OTOF: variants seen among roughly 807,000 people sequenced by gnomAD.
OTOF encodes fer-1-like family member 2.
In OTOF, 218 loss-of-function variants were observed where a neutral mutation model predicts 236.8. The ratio of observed to expected loss-of-function variants is 0.92; its 90% CI spans 0.82 to 1.03. The LOEUF is 1.03. OTOF is among the 50% of genes least tolerant of loss of function. The probability of loss-of-function intolerance (pLI) is 0.00; values close to 1 mark genes in which losing one functional copy is unlikely to be tolerated. For missense variants in OTOF, 2,590 were observed against 2,694.4 expected, an observed-to-expected ratio of 0.96 and a Z score of 0.86; for synonymous variants, 1,041 against 1,072.5, an observed-to-expected ratio of 0.97 and a Z score of 0.57.
rs1180054978 is a variant in OTOF at position 26,461,040 on chromosome 2, C to T, written c.5534-10G>A. 6.2e-7 allele frequency: 1 copy of T among 1,602,162 alleles called. No homozygotes were observed. The highest frequency in any genetic ancestry group is 1.3e-5 in the African/African-American group (1 of 74,600). On this transcript the variant is annotated splice_polypyrimidine_tract_variant and intron_variant, in intron 43 of 46. Transcript: ENST00000272371. The surrounding 1 kb of genome is among the most constrained non-coding windows in gnomAD (Gnocchi z 6.2). ...TCCAGCTCGATGGCCCCTGTGGCAA[C>T]CTCAGTGTCAGCTCAGAGTGAACAG... is the stretch of plus-strand genomic sequence containing the variant.
chr2:26,508,219 T>G (rs4665863), intron 5 of OTOF, among the ~76,000 whole-genome samples: 1 of 151,940 alleles, frequency 6.6e-6, no homozygotes, highest in Non-Finnish European at 1.5e-5. Flanking sequence ...AGAAATAGGG[T>G]CTGTGGTCCT....
At position 26,477,289 on chromosome 2, in the gene OTOF, C is replaced by A. The variant is rs1478464327; in HGVS notation, c.2407-1G>T. 6.2e-7 allele frequency: 1 copy of A among 1,609,152 alleles called. No homozygotes were observed. The highest frequency in any genetic ancestry group is 8.5e-7 in the Non-Finnish European group (1 of 1,178,780). On this transcript the variant is annotated splice_acceptor_variant, in intron 20 of 46. Coordinates refer to ENST00000272371, the MANE Select transcript of OTOF (RefSeq NM_194248.3). LOFTEE classifies it high-confidence loss of function. The surrounding 1 kb of genome is among the most constrained non-coding windows in gnomAD (Gnocchi z 4.7). ...TCCTGGCCTGCTGCCCCATGTTTTC[C>A]TGCGAAGGAGGGGGTGTCAGTGAAC...
At chr2:26,515,279 C>T (rs1037005085) in intron 5 of OTOF, among the ~76,000 whole-genome samples, 20 of 152,234 alleles carry the variant, frequency 1.3e-4, no homozygotes, top group Non-Finnish European at 2.4e-4. Context: ...AGGCTTTAAG[C>T]TAGCCTGGGG....
intron 8 of OTOF, among the ~76,000 whole-genome samples, chr2:26,498,647 A>C (rs1666046121): frequency 6.6e-6 from 1 of 151,946 alleles, no homozygotes; most frequent in Non-Finnish European, 1.5e-5. Flanking sequence ...TAAGGGACAT[A>C]CTCCCCAGTG....
chr2:26,527,208 TCGACGCTTAG>T (rs1477180172), intron 3 of OTOF, among the ~76,000 whole-genome samples: 2 of 152,218 alleles, frequency 1.3e-5, no homozygotes, highest in African/African-American at 4.8e-5. Flanking sequence ...TGATACACAA[TCGACGCTTAG>T]TAAACATTTG....
rs575006194 is a variant in OTOF, at chr2:26,494,737, C to T, written c.897+205G>A. 3.0e-4 allele frequency among the ~76,000 whole-genome samples: 46 copies of T among 152,070 alleles called. 1 individual carries two copies. The highest frequency in any genetic ancestry group is 1.1e-3 in the African/African-American group (46 of 41,456). On this transcript the variant is annotated intron_variant, in intron 9 of 46. Transcript: ENST00000272371. ...TGTACGCTTCAAAGACCAGTGTCGG[C>T]CTGTGCTCTAGACTGGGGGGTTCAG...
chr2:26,472,767 G>A (rs959313763), intron 29 of OTOF, 118 bp from the exon 30 acceptor site: 2 of 1,045,820 alleles, frequency 1.9e-6, no homozygotes, highest in Non-Finnish European at 2.9e-6. Context: ...TGAGGGAGAG[G>A]GGGACAGGCA....
chr2:26,464,443 A>G (rs1664630908), intron 39 of OTOF, among the ~76,000 whole-genome samples: 1 of 152,070 alleles, frequency 6.6e-6, no homozygotes, highest in South Asian at 2.1e-4. Flanking sequence ...ACACCTCCCA[A>G]TTCTCTGCTT....
chr2:26,495,103 G>A (rs201743402), intron 8 of OTOF, 30 bp from the exon 9 acceptor site: 1 of 1,613,674 alleles, frequency 6.2e-7, no homozygotes, highest in East Asian at 2.2e-5. Flanking sequence ...GAGCCAGAAG[G>A]AAAGCTGCCT....
chr2:26,537,825 A>G (rs1160232121), intron 1 of OTOF, 51 bp from the exon 2 acceptor site: 2 of 1,360,082 alleles, frequency 1.5e-6, no homozygotes, highest in Admixed American at 3.9e-5. Flanking sequence ...CCAGACGATG[A>G]GCATGGGGTC....
At chr2:26,536,066 A>G (rs183663031) in intron 2 of OTOF, among the ~76,000 whole-genome samples, 2 of 152,264 alleles carry the variant, frequency 1.3e-5, no homozygotes, top group East Asian at 3.9e-4. Flanking sequence ...AGGTAGGACT[A>G]TGGGAAACTG....
In OTOF at chr2:26,502,401, T is replaced by G; in HGVS notation, c.609A>C (p.Glu203Asp). The G allele has an allele frequency of 6.2e-7, 1 of 1,613,678 alleles. No individual in the cohort carries two copies. Among genetic ancestry groups the G allele is most frequent in the Non-Finnish European group, 8.5e-7 (1 of 1,179,838 alleles). Residue 203 changes from glutamate (E) to aspartate (D), a missense_variant, in exon 7 of 47, where the codon GAA becomes GAC. Physicochemically the swap from Glu to Asp is conservative, Grantham distance 45. Around this residue, in one of 2 missense-constraint regions of OTOF, gnomAD observed 1,379 missense variants for 1,341.6 expected, o/e 1.03. Transcript: ENST00000272371. ...GCCGAATGGCCAGATGGTCAAGGTC[T>G]TCCATCTCCAGCACCGCCGGTTCAT... Reference protein sequence around the residue: ...RPDEPAVLEMEDLDHLAIRLG... With the variant: ...RPDEPAVLEMDDLDHLAIRLG...
Position 26,482,515 on chromosome 2 carries a change from T to G in OTOF, c.1470A>C (p.Pro490=). Residue 490 remains proline, a synonymous_variant, in exon 14 of 47, where the codon CCA becomes CCC. Transcript: ENST00000272371. The stretch of plus-strand genomic sequence containing the variant: ...TCTGCACCTTCATGCGTTTGCAGAG[T>G]GGGGGGAAGAGGTCTGTAAAGACGA... ...EQVVFTDLFP[P]LCKRMKVQIR... The G allele has an allele frequency of 6.2e-7, 1 of 1,612,984 alleles. No homozygotes were observed. The highest frequency in any genetic ancestry group is 8.5e-7 in the Non-Finnish European group (1 of 1,179,854).
Position 26,462,354 on chromosome 2 carries a change from T to G in OTOF, c.5193-173A>C, listed in dbSNP as rs1664506935. 6.9e-6 allele frequency among the ~76,000 whole-genome samples: 1 copy of G among 144,936 alleles called. No homozygotes were observed. Among genetic ancestry groups the G allele is most frequent in the Non-Finnish European group, 1.5e-5 (1 of 66,152 alleles). The stretch of plus-strand genomic sequence containing the variant: ...GGGGTTGGGGGAGCAGAGGCATGAG[T>G]GAGAAGGCCCACCAGGCACATGGCT... On this transcript the variant is annotated intron_variant, in intron 41 of 46. Transcript: ENST00000272371. This position sits in a 1 kb window ranked among gnomAD's most constrained non-coding sequence, Gnocchi z 4.7.
At chr2:26,524,402 G>A (rs560116539) in intron 3 of OTOF, among the ~76,000 whole-genome samples, 4 of 152,250 alleles carry the variant, frequency 2.6e-5, no homozygotes, top group South Asian at 2.1e-4. Context: ...CCAGCTACTC[G>A]GGAGGCCAAG....
rs748446812 is a variant in OTOF, at chr2:26,476,012, G to A, written c.2893C>T (p.His965Tyr). The stretch of plus-strand genomic sequence containing the variant: ...AAGAGGCTGCGGGCCTGGTACATGT[G>A]CGCTCGGAGCTGGAACGCCTGCTTC... The part of the protein sequence containing the change: ...TKKQAFQLRA[H>Y]MYQARSLFAA... The change falls in exon 24 of 47, where the codon CAC becomes TAC. Residue 965 changes from histidine to tyrosine, a missense_variant. By Grantham distance (83) the His-to-Tyr change is moderately conservative. Coordinates refer to ENST00000272371, the MANE Select transcript of OTOF (RefSeq NM_194248.3). 2 of 1,612,716 alleles carry A rather than the reference G, an allele frequency of 1.2e-6. No individual in the cohort carries two copies. The highest frequency in any genetic ancestry group is 1.7e-6 in the Non-Finnish European group (2 of 1,179,948).
chr2:26,525,116 A>C (rs1666769523), intron 3 of OTOF, among the ~76,000 whole-genome samples: 1 of 152,142 alleles, frequency 6.6e-6, no homozygotes, highest in Non-Finnish European at 1.5e-5. Flanking sequence ...GGGGTGTCTC[A>C]CCAACCTTGC....
rs761905987 is a variant in OTOF, at chr2:26,460,838, G to A, written c.5712+14C>T. 7 of 1,613,950 alleles carry A rather than the reference G, an allele frequency of 4.3e-6. No individual in the cohort carries two copies. The African/African-American group carries it at 9.3e-5, about 22-fold the overall frequency. On this transcript the variant is annotated intron_variant, in intron 44 of 46. Transcript: ENST00000272371. The surrounding 1 kb of genome is among the most constrained non-coding windows in gnomAD (Gnocchi z 5.3). Reference sequence around the variant, plus strand: ...CCAGCCCTGCCTACTGCCCGAGCAGGAAGGGGTGCGCACCGTGAGCTCAAA... The same window carrying A: ...CCAGCCCTGCCTACTGCCCGAGCAGAAAGGGGTGCGCACCGTGAGCTCAAA...
intron 1 of OTOF, among the ~76,000 whole-genome samples, chr2:26,556,571 T>C (rs1375061936): frequency 6.6e-6 from 1 of 152,096 alleles, no homozygotes; most frequent in Non-Finnish European, 1.5e-5. Context: ...CTAATTCCTG[T>C]GTGGTCAGTG....
Sources: allele counts gnomAD v4.1 joint callset (sites outside exome capture counted in the v4.1 genomes callset), GRCh38; gene constraint gnomAD v4.1.1; regional missense constraint gnomAD v4.1.1; non-coding constraint Gnocchi (gnomAD v3.1); transcripts MANE v1.5; gene names NCBI Gene and HGNC (gene_info 2026-07-23, HGNC 2026-07-21).